Variants in NHS observed in about 807,000 individuals in gnomAD.
The protein encoded by NHS is actin remodeling regulator NHS.
Under a neutral mutation model 72.5 loss-of-function variants are expected in NHS, and 5 were observed. The ratio of observed to expected loss-of-function variants is 0.07; its 90% CI spans 0.04 to 0.14. The LOEUF is 0.14. Ranked by LOEUF, NHS falls within the 10% of genes least tolerant of loss-of-function variation. NHS has a pLI of 1.00. For missense variants in NHS, 1,072 were observed against 1,355.7 expected (o/e 0.79, Z 3.29); for synonymous variants, 464 against 547.7 (o/e 0.85, Z 2.13).
chrX:17,525,509 G>A (rs1273556926), intron 1 of NHS, among the ~76,000 whole-genome samples: 1 of 111,396 alleles, frequency 9.0e-6, no homozygotes, highest in Non-Finnish European at 1.9e-5. Context: ...GGCATTGCTT[G>A]GAATTTTGTT....
chrX:17,577,989 C>T (rs887488261), intron 1 of NHS, among the ~76,000 whole-genome samples: 5 of 112,292 alleles, frequency 4.5e-5, no homozygotes, highest in African/African-American at 1.6e-4. Flanking sequence ...GCTATTCATT[C>T]ATTCATTCAA....
At chrX:17,441,905 G>C (rs538583165) in intron 1 of NHS, among the ~76,000 whole-genome samples, 1 of 112,199 alleles carries the variant, frequency 8.9e-6, no homozygotes, top group Non-Finnish European at 1.9e-5. Context: ...ACTCACTTAA[G>C]CCAGTGGTTC....
At chrX:17,662,957 T>C (rs2065989805) in intron 1 of NHS, among the ~76,000 whole-genome samples, 1 of 112,001 alleles carries the variant, frequency 8.9e-6, no homozygotes, top group South Asian at 3.8e-4. Context: ...GTGTTTGCAA[T>C]GGTGTTGACT....
At chrX:17,376,792 G>C (rs764236191) in intron 1 of NHS, among the ~76,000 whole-genome samples, 1 of 112,617 alleles carries the variant, frequency 8.9e-6, no homozygotes, top group Non-Finnish European at 1.9e-5. Context: ...AGTAGTGAGT[G>C]TTCTTTTGAG....
rs370929922 is a variant in NHS at position 17,654,655 on chromosome X, G to A, written c.566-33087G>A. Among the ~76,000 whole-genome samples, 11 of 112,237 alleles carry A rather than the reference G, an allele frequency of 9.8e-5. No individual in the cohort carries two copies. The East Asian group carries it at 2.8e-3, about 29-fold the overall frequency. On this transcript the variant is annotated intron_variant, in intron 1 of 8. Transcript: ENST00000676302. The stretch of plus-strand genomic sequence containing the variant: ...GCCCACACATGCAAATCTGCCCAGC[G>A]CCTAAACATCCCTAGTTGAAAATAG...
chrX:17,675,607 C>T (rs907924187), intron 1 of NHS, among the ~76,000 whole-genome samples: 2 of 111,523 alleles, frequency 1.8e-5, no homozygotes, highest in African/African-American at 6.5e-5. Flanking sequence ...GCAAGATGAA[C>T]GTAGGACACC....
At chrX:17,390,545 C>T (rs746910949) in intron 1 of NHS, among the ~76,000 whole-genome samples, 2 of 111,828 alleles carry the variant, frequency 1.8e-5, no homozygotes, top group South Asian at 7.6e-4. Flanking sequence ...GCTGCATAAA[C>T]AGGAGAGACG....
At chrX:17,649,161 G>T (rs1396270369) in intron 1 of NHS, among the ~76,000 whole-genome samples, 3 of 111,579 alleles carry the variant, frequency 2.7e-5, no homozygotes, top group Non-Finnish European at 5.6e-5. Context: ...TTTTCAACCT[G>T]GGATCTTTGC....
intron 1 of NHS, among the ~76,000 whole-genome samples, chrX:17,563,435 C>A (rs1248504320): frequency 8.9e-6 from 1 of 112,444 alleles, no homozygotes; most frequent in Non-Finnish European, 1.9e-5. Flanking sequence ...GGCCAACGGC[C>A]CTTCTGTTCC....
Position 17,727,507 on chromosome X carries a change from C to T in NHS, c.3401C>T (p.Thr1134Ile). Reference sequence around the variant, plus strand: ...AATCCTCCACCGTCCCTTGCAATTACACCAACGATCCTGAAATCTGTTAAC... The same window carrying T: ...AATCCTCCACCGTCCCTTGCAATTATACCAACGATCCTGAAATCTGTTAAC... ...RSNPPPSLAI[T>I]PTILKSVNLR... Residue 1134 changes from threonine (T) to isoleucine (I), a missense_variant, in exon 7 of 9, where the codon ACA becomes ATA. By Grantham distance (89) the Thr-to-Ile change is moderately conservative. Transcript: ENST00000676302. 2 of 1,211,656 alleles carry T rather than the reference C, an allele frequency of 1.7e-6. No individual in the cohort carries two copies. The highest frequency in any genetic ancestry group is 1.8e-5 in the South Asian group (1 of 56,994).
At chrX:17,725,096 G>A (rs1319935151) in intron 6 of NHS, among the ~76,000 whole-genome samples, 1 of 111,405 alleles carries the variant, frequency 9.0e-6, no homozygotes, top group Non-Finnish European at 1.9e-5. Context: ...ATAGTGAAGA[G>A]AGGGATAATT....
chrX:17,658,450 A>C (rs1356569306), intron 1 of NHS, among the ~76,000 whole-genome samples: 1 of 112,273 alleles, frequency 8.9e-6, no homozygotes, highest in East Asian at 2.8e-4. Flanking sequence ...ATGAATTTTG[A>C]TTGAAAATTT....
chrX:17,399,833 A>G (rs758811613), intron 1 of NHS, among the ~76,000 whole-genome samples: 1 of 112,002 alleles, frequency 8.9e-6, no homozygotes, highest in Admixed American at 9.5e-5. Flanking sequence ...TGATCACCCA[A>G]ATGGATGTAG....
In NHS at chrX:17,724,399, G is replaced by A. The variant is rs868074251; in HGVS notation, c.1209G>A (p.Ser403=). The change falls in exon 6 of 9, where the codon TCG becomes TCA. Residue 403 remains serine, a synonymous_variant. Coordinates refer to ENST00000676302, the MANE Select transcript of NHS (RefSeq NM_001291867.2). ...RRKLRRRKTI[S]GIPRRVQQEI... ...AATTGAGGAGGAGGAAAACCATCTC[G>A]GGTATCCCCAGAAGAGTTCAACAAG... 2.1e-5 allele frequency: 26 copies of A among 1,210,140 alleles called. No individual in the cohort carries two copies. In the Middle Eastern group the frequency reaches 2.6e-3, roughly 119 times the overall value.
intron 1 of NHS, among the ~76,000 whole-genome samples, chrX:17,558,426 A>C (rs990441896): frequency 4.4e-5 from 5 of 112,395 alleles, no homozygotes; most frequent in African/African-American, 1.3e-4. Context: ...TTGTGGAGTC[A>C]ATGGTAACAG....
intron 1 of NHS, among the ~76,000 whole-genome samples, chrX:17,612,807 C>T (rs902510385): frequency 9.0e-6 from 1 of 110,534 alleles, no homozygotes; most frequent in Non-Finnish European, 1.9e-5. Flanking sequence ...GCTTCTACAG[C>T]AGGAAGTGAT....
chrX:17,433,282 A>C (rs764237304), intron 1 of NHS, among the ~76,000 whole-genome samples: 58 of 98,136 alleles, frequency 5.9e-4, no homozygotes, highest in Admixed American at 5.9e-3. Context: ...ATCTCCTGAC[A>C]TTGTGATCTG....
intron 5 of NHS, among the ~76,000 whole-genome samples, chrX:17,723,670 G>C (rs1265128789): frequency 1.9e-5 from 2 of 108,063 alleles, no homozygotes; most frequent in Non-Finnish European, 3.8e-5. Flanking sequence ...GACAGAGTTG[G>C]GTGATGATTT....
intron 3 of NHS, among the ~76,000 whole-genome samples, chrX:17,718,922 AAAGGAAGGAAAGAGG>A (rs1482023839): frequency 5.3e-5 from 5 of 94,005 alleles, no homozygotes; most frequent in African/African-American, 2.0e-4. Flanking sequence ...AGGAAGGAAG[AAAGGAAGGAAAGAGG>A]AAGGAAGGAA....
Sources: gnomAD v4.1 joint callset for allele counts (sites outside exome capture counted in the v4.1 genomes callset) on GRCh38, gnomAD v4.1.1 for gene constraint, MANE v1.5 for transcripts, NCBI Gene and HGNC (gene_info 2026-07-23, HGNC 2026-07-21) for gene names.